The following SH3RF2 variants were observed in gnomAD, a reference collection of about 807,000 sequenced individuals.
SH3RF2 encodes the protein E3 ubiquitin-protein ligase SH3RF2.
A neutral mutation model predicts 59.0 loss-of-function variants in SH3RF2; 43 were observed. The observed-to-expected ratio is 0.73, with a 90% CI of 0.57 to 0.94. The LOEUF is 0.94. SH3RF2 is among the 40% of genes least tolerant of loss of function. The pLI, the probability that SH3RF2 is intolerant of heterozygous loss-of-function variation, is 0.00. For missense variants in SH3RF2, 930 were observed against 940.1 expected (o/e 0.99, Z 0.14); for synonymous variants, 391 against 391.5 (o/e 1.00, Z 0.01).
intron 3 of SH3RF2, among the ~76,000 whole-genome samples, chr5:146,000,763 C>T (rs1413823633): frequency 1.3e-5 from 2 of 152,180 alleles, no homozygotes; most frequent in Non-Finnish European, 2.9e-5. Flanking sequence ...TTGATTTATT[C>T]ATTCTATCAC....
intron 5 of SH3RF2, among the ~76,000 whole-genome samples, chr5:146,029,464 G>A (rs1376117457): frequency 6.6e-6 from 1 of 152,190 alleles, no homozygotes; most frequent in South Asian, 2.1e-4. Flanking sequence ...GGAAATGGGT[G>A]CATGTGCCGT....
Position 145,941,151 on chromosome 5 carries a change from G to A in SH3RF2, c.378+2845G>A, listed in dbSNP as rs56658464. ...ATAACCTGGCACCCTGAAAAAGTTCGTTTAACTTTCTGTCCATGAGCTTTT... is the reference window on the plus strand; with the variant it reads ...ATAACCTGGCACCCTGAAAAAGTTCATTTAACTTTCTGTCCATGAGCTTTT... On this transcript the variant is annotated intron_variant, in intron 2 of 9. Coordinates refer to ENST00000359120, the MANE Select transcript of SH3RF2 (RefSeq NM_152550.4). 9.8e-3 allele frequency among the ~76,000 whole-genome samples: 1,486 copies of A among 152,204 alleles called. 24 individuals are homozygous for A. The highest frequency in any genetic ancestry group is 0.034 in the African/African-American group (1,412 of 41,532).
intron 2 of SH3RF2, among the ~76,000 whole-genome samples, chr5:145,967,880 A>G (rs61194294): frequency 0.078 from 11,845 of 152,112 alleles, 1,555 homozygotes; most frequent in African/African-American, 0.27. Flanking sequence ...GGCTGGTCTC[A>G]AACTCCTGAC....
At position 146,025,555 on chromosome 5, in the gene SH3RF2, A is replaced by G. The variant is rs549545524; in HGVS notation, c.1059+11494A>G. Among the ~76,000 whole-genome samples, 34 of 152,326 alleles carry G rather than the reference A, an allele frequency of 2.2e-4. No individual in the cohort carries two copies. In the South Asian group the frequency reaches 7.0e-3, roughly 32 times the overall value. On this transcript the variant is annotated intron_variant, in intron 5 of 9. Transcript: ENST00000359120. Reference sequence around the variant, plus strand: ...GATGACTTTGTTTTTCCAAACTTGCATTTCTATACCAGTTTTATTTTCCTG... The same window carrying G: ...GATGACTTTGTTTTTCCAAACTTGCGTTTCTATACCAGTTTTATTTTCCTG...
chr5:145,949,859 T>C (rs1304206816), intron 2 of SH3RF2, among the ~76,000 whole-genome samples: 2 of 152,242 alleles, frequency 1.3e-5, no homozygotes, highest in East Asian at 3.8e-4. Flanking sequence ...TTTTTATTGT[T>C]TTGTTCTTGT....
At chr5:146,016,352 G>GTAGA (rs1273647194) in intron 5 of SH3RF2, among the ~76,000 whole-genome samples, 1 of 133,020 alleles carries the variant, frequency 7.5e-6, no homozygotes, top group African/African-American at 2.8e-5. Context: ...AGGTAGGTAA[G>GTAGA]TAGATGGATG....
At position 146,062,477 on chromosome 5, in the gene SH3RF2, T is replaced by C. The variant is rs565090784; in HGVS notation, c.1966T>C (p.Tyr656His). ...TTACAGCCCTCCTCCCACCAAACAT[T>C]ACACCTCCCATCCCACCTCCGGAAA... ...QNYSPPPTKHYTSHPTSGKPE... is the reference protein window; with the variant it reads ...QNYSPPPTKHHTSHPTSGKPE... The change falls in exon 10 of 10, where the codon TAC becomes CAC. Residue 656 changes from tyrosine (Y) to histidine (H), a missense_variant. By Grantham distance (83) the Tyr-to-His change is moderately conservative. Coordinates refer to ENST00000359120, the MANE Select transcript of SH3RF2 (RefSeq NM_152550.4). The C allele has an allele frequency of 2.5e-6, 4 of 1,614,030 alleles. No individual in the cohort carries two copies. Among genetic ancestry groups the C allele is most frequent in the East Asian group, 2.2e-5 (1 of 44,868 alleles).
At chr5:146,032,416 A>G (rs1761774281) in intron 5 of SH3RF2, among the ~76,000 whole-genome samples, 1 of 152,150 alleles carries the variant, frequency 6.6e-6, no homozygotes, top group Admixed American at 6.5e-5. Flanking sequence ...TATGGCTTCA[A>G]GATCTTCAGC....
chr5:145,957,272 A>G (rs576265609), intron 2 of SH3RF2, among the ~76,000 whole-genome samples: 3 of 152,322 alleles, frequency 2.0e-5, no homozygotes, highest in African/African-American at 7.2e-5. Flanking sequence ...GCAAACAAAA[A>G]AACACTACTT....
chr5:146,018,678 C>A (rs1329495835), intron 5 of SH3RF2, among the ~76,000 whole-genome samples: 1 of 152,048 alleles, frequency 6.6e-6, no homozygotes, highest in African/African-American at 2.4e-5. Context: ...AATGGTAGAT[C>A]TATTTTCAGT....
At chr5:146,037,188 T>G (rs1761965282) in intron 5 of SH3RF2, among the ~76,000 whole-genome samples, 1 of 152,196 alleles carries the variant, frequency 6.6e-6, no homozygotes, top group African/African-American at 2.4e-5. Context: ...ATGTTCTGAT[T>G]GAACCCTCAC....
intron 9 of SH3RF2, among the ~76,000 whole-genome samples, chr5:146,074,677 AG>A (rs1395041548): frequency 6.6e-6 from 1 of 152,222 alleles, no homozygotes; most frequent in African/African-American, 2.4e-5. Context: ...CGTTATCATT[AG>A]GGTATAGTTA....
intron 5 of SH3RF2, among the ~76,000 whole-genome samples, chr5:146,029,871 G>T (rs577760002): frequency 3.9e-5 from 6 of 152,112 alleles, no homozygotes; most frequent in Admixed American, 2.6e-4. Flanking sequence ...ACCATTTATT[G>T]TATCTCAATG....
chr5:146,072,410 C>T (rs1332160411), intron 9 of SH3RF2, among the ~76,000 whole-genome samples: 5 of 152,192 alleles, frequency 3.3e-5, no homozygotes, highest in South Asian at 4.1e-4. Context: ...TGGTGGCTCA[C>T]GCCTGTAATT....
rs149758131 is a variant in SH3RF2, at chr5:145,966,054, C to T, written c.378+27748C>T. Among the ~76,000 whole-genome samples the T allele has an allele frequency of 2.0e-4, 30 of 152,254 alleles. No individual in the cohort carries two copies. The East Asian group carries it at 5.2e-3, about 26-fold the overall frequency. On this transcript the variant is annotated intron_variant, in intron 2 of 9. Transcript: ENST00000359120. ...AGGTGGAGCTGTTAGAAGCCATGAC[C>T]TCACTCCTGTGCAGAAAGGGTAAGG...
intron 5 of SH3RF2, among the ~76,000 whole-genome samples, chr5:146,028,778 T>C (rs1250820112): frequency 6.6e-6 from 1 of 152,180 alleles, no homozygotes; most frequent in Non-Finnish European, 1.5e-5. Flanking sequence ...CCTTTCTGAA[T>C]AGCCCCAGCA....
rs748868731 is a variant in SH3RF2 at position 146,060,041 on chromosome 5, G to C, written c.1731G>C (p.Thr577=). ...VVEMGSKPAL[T]GEPALTCISR... ...AGATGGGGTCCAAGCCTGCCCTCAC[G>C]GGGGAGCCCGCCCTCACGTGCATCA... The change falls in exon 9 of 10, where the codon ACG becomes ACC. Residue 577 remains threonine, a synonymous_variant. Coordinates refer to ENST00000359120, the MANE Select transcript of SH3RF2 (RefSeq NM_152550.4). The C allele has an allele frequency of 3.1e-6, 5 of 1,612,406 alleles. No homozygotes were observed. The East Asian group carries it at 8.9e-5, about 29-fold the overall frequency.
At chr5:146,029,484 A>C (rs1163484535) in intron 5 of SH3RF2, among the ~76,000 whole-genome samples, 1 of 152,168 alleles carries the variant, frequency 6.6e-6, no homozygotes, top group African/African-American at 2.4e-5. Context: ...TGTGTTTGCC[A>C]TCCCCACATA....
At chr5:145,985,771 G>A (rs1759677086) in intron 2 of SH3RF2, among the ~76,000 whole-genome samples, 1 of 152,094 alleles carries the variant, frequency 6.6e-6, no homozygotes, top group African/African-American at 2.4e-5. Context: ...CCAGTACTTT[G>A]GGAGGCTGAA....
Sources: allele counts gnomAD v4.1 joint callset (sites outside exome capture counted in the v4.1 genomes callset), GRCh38; gene constraint gnomAD v4.1.1; transcripts MANE v1.5; gene names NCBI Gene and HGNC (gene_info 2026-07-23, HGNC 2026-07-21).